FBXL20: variants seen among roughly 807,000 people sequenced by gnomAD.
FBXL20 encodes F-box/LRR-repeat protein 20.
A neutral mutation model predicts 64.0 loss-of-function variants in FBXL20; 11 were observed. That is an observed-to-expected ratio of 0.17 (90% CI 0.11 to 0.28). The LOEUF (loss-of-function observed/expected upper bound fraction) is 0.28. Ranked by LOEUF, FBXL20 falls within the 10% of genes least tolerant of loss-of-function variation. The pLI is 1.00. For synonymous variants in FBXL20, 184 were observed against 189.0 expected (o/e 0.97, Z 0.22); for missense variants, 303 against 526.2 (o/e 0.58, Z 4.15).
intron 12 of FBXL20, 125 bp downstream of exon 12, chr17:39,268,702 G>C: frequency 1.4e-6 from 1 of 715,076 alleles, no homozygotes; most frequent in Non-Finnish European, 2.3e-6. Context: ...TACTTAATGG[G>C]GAATCTGCAA....
chr17:39,298,263 CAT>C (rs2047104174), intron 5 of FBXL20, among the ~76,000 whole-genome samples: 1 of 152,114 alleles, frequency 6.6e-6, no homozygotes, highest in Admixed American at 6.6e-5. Context: ...GGTTTACAGG[CAT>C]ATGTCACCTA....
At chr17:39,295,832 G>A (rs2047080601) in intron 6 of FBXL20, among the ~76,000 whole-genome samples, 2 of 145,198 alleles carry the variant, frequency 1.4e-5, no homozygotes, top group Non-Finnish European at 3.1e-5. Context: ...TATAAAAGGT[G>A]TATTATACAA....
intron 1 of FBXL20, among the ~76,000 whole-genome samples, chr17:39,383,650 C>T (rs898994344): frequency 5.5e-5 from 8 of 145,006 alleles, no homozygotes; most frequent in African/African-American, 1.8e-4. Flanking sequence ...AGTGCAGTGG[C>T]GCGATCTCGG....
At chr17:39,399,856 C>T (rs1355756881) in intron 1 of FBXL20, among the ~76,000 whole-genome samples, 2 of 152,144 alleles carry the variant, frequency 1.3e-5, no homozygotes, top group Non-Finnish European at 2.9e-5. Flanking sequence ...ATTATTCAAT[C>T]TAAAATGAAC....
At chr17:39,339,185 A>AAG (rs2047558141) in intron 2 of FBXL20, among the ~76,000 whole-genome samples, 1 of 151,186 alleles carries the variant, frequency 6.6e-6, no homozygotes, top group Admixed American at 6.6e-5. Flanking sequence ...AAAAAAAAAA[A>AAG]AGACCAGCCT....
intron 1 of FBXL20, among the ~76,000 whole-genome samples, chr17:39,400,232 C>T (rs529523204): frequency 1.9e-4 from 29 of 152,284 alleles, no homozygotes; most frequent in Admixed American, 1.6e-3. Context: ...AAAACACTTC[C>T]TATCTTGATC....
At position 39,382,615 on chromosome 17, in the gene FBXL20, T is replaced by G. The variant is rs556557812; in HGVS notation, c.42+18746A>C. 3.9e-5 allele frequency among the ~76,000 whole-genome samples: 6 copies of G among 152,214 alleles called. No homozygotes were observed. The East Asian group carries it at 1.2e-3, about 29-fold the overall frequency. ...CAGGAAGCTGATGTGGGAGGATCAC[T>G]TGAGGCCAGGAGTTTTAGACCAATC... On this transcript the variant is annotated intron_variant, in intron 1 of 14. Coordinates refer to ENST00000264658, the MANE Select transcript of FBXL20 (RefSeq NM_032875.3).
chr17:39,331,794 T>A (rs982591768), intron 2 of FBXL20, among the ~76,000 whole-genome samples: 1 of 152,248 alleles, frequency 6.6e-6, no homozygotes, highest in Non-Finnish European at 1.5e-5. Flanking sequence ...AATGACTAAA[T>A]CTGTTTGTCT....
At chr17:39,340,000 G>A (rs1036454354) in intron 2 of FBXL20, among the ~76,000 whole-genome samples, 3 of 151,760 alleles carry the variant, frequency 2.0e-5, no homozygotes, top group African/African-American at 4.8e-5. Context: ...GCGCAATGGC[G>A]CTCACTGCAA....
chr17:39,317,709 T>TG (rs1426143117), intron 2 of FBXL20, among the ~76,000 whole-genome samples: 1 of 102,330 alleles, frequency 9.8e-6, no homozygotes, highest in African/African-American at 5.8e-5. Context: ...TTGTTTTTTT[T>TG]TTTTTTTTTT....
rs538934545 is a variant in FBXL20, at chr17:39,280,473, G to A, written c.696+916C>T. On this transcript the variant is annotated intron_variant, in intron 9 of 14. Coordinates refer to ENST00000264658, the MANE Select transcript of FBXL20 (RefSeq NM_032875.3). Reference sequence around the variant, plus strand: ...AGCAATGCAGAAGGCTGAGGCAGGAGAATCGCTTGAGCCTAGGAGGTGGAG... The same window carrying A: ...AGCAATGCAGAAGGCTGAGGCAGGAAAATCGCTTGAGCCTAGGAGGTGGAG... Among the ~76,000 whole-genome samples, 5 of 151,010 alleles carry A rather than the reference G, an allele frequency of 3.3e-5. No individual in the cohort carries two copies. The East Asian group carries it at 9.7e-4, about 29-fold the overall frequency.
chr17:39,383,590 C>CT (rs545087479), intron 1 of FBXL20, among the ~76,000 whole-genome samples: 1,724 of 128,502 alleles, frequency 0.013, 31 homozygotes, highest in African/African-American at 0.039. Flanking sequence ...ACTTTATATG[C>CT]TTTTTTTTTT....
At chr17:39,324,741 T>C (rs967536582) in intron 2 of FBXL20, among the ~76,000 whole-genome samples, 2 of 152,206 alleles carry the variant, frequency 1.3e-5, no homozygotes, top group African/African-American at 4.8e-5. Context: ...TTGTGAAATG[T>C]ATCAGGATAG....
At chr17:39,278,954 G>A (rs1368338150) in intron 9 of FBXL20, among the ~76,000 whole-genome samples, 1 of 151,258 alleles carries the variant, frequency 6.6e-6, no homozygotes, top group Non-Finnish European at 1.5e-5. Flanking sequence ...AGGAGTTCTA[G>A]AGCAGCCTGG....
intron 1 of FBXL20, among the ~76,000 whole-genome samples, chr17:39,349,674 C>T (rs766244099): frequency 1.3e-5 from 2 of 152,080 alleles, no homozygotes; most frequent in Non-Finnish European, 2.9e-5. Context: ...TAGTGGCTCA[C>T]GCCTGTAATC....
chr17:39,262,306 G>C (rs1377923547), intron 14 of FBXL20, among the ~76,000 whole-genome samples: 1 of 152,016 alleles, frequency 6.6e-6, no homozygotes, highest in African/African-American at 2.4e-5. Context: ...TTTTGAGATA[G>C]AGTTTCATCT....
At chr17:39,303,492 G>C in intron 3 of FBXL20, 93 bp downstream of exon 3, 2 of 1,041,090 alleles carry the variant, frequency 1.9e-6, no homozygotes, top group Non-Finnish European at 2.8e-6. Context: ...AAACATACAA[G>C]TAACACCTAA....
intron 14 of FBXL20, 135 bp downstream of exon 14, chr17:39,264,040 C>T: frequency 1.0e-6 from 1 of 1,000,096 alleles, no homozygotes; most frequent in Non-Finnish European, 1.5e-6. Flanking sequence ...TAGGTTTGCA[C>T]TTTTTTCTCT....
In FBXL20 at chr17:39,355,642, G is replaced by C. The variant is rs567205877; in HGVS notation, c.43-12401C>G. On this transcript the variant is annotated intron_variant, in intron 1 of 14. Coordinates refer to ENST00000264658, the MANE Select transcript of FBXL20 (RefSeq NM_032875.3). ...AGGCCAAGGCGGGCGGATCACCTGA[G>C]GTCAGGAGTTCAAGACCAGCCTGGC... Among the ~76,000 whole-genome samples the C allele has an allele frequency of 6.1e-4, 93 of 151,946 alleles. 1 individual carries two copies. Among genetic ancestry groups the C allele is most frequent in the African/African-American group, 2.2e-3 (91 of 41,450 alleles).
Sources: allele counts gnomAD v4.1 joint callset (sites outside exome capture counted in the v4.1 genomes callset), GRCh38; gene constraint gnomAD v4.1.1; transcripts MANE v1.5; gene names NCBI Gene and HGNC (gene_info 2026-07-23, HGNC 2026-07-21).